Variants in DOK6 observed in about 807,000 individuals in gnomAD.
DOK6 encodes the protein downstream of tyrosine kinase 6.
DOK6 carries 22 observed loss-of-function variants against 44.0 expected under a neutral mutation model. That is an observed-to-expected ratio of 0.50 (90% CI 0.36 to 0.71). The LOEUF (loss-of-function observed/expected upper bound fraction) is 0.71. Among genes scored for constraint, DOK6 ranks in the 30% least tolerant of loss-of-function variants. The pLI is 0.00. For missense variants in DOK6, 340 were observed against 416.4 expected (o/e 0.82, Z 1.60); for synonymous variants, 166 against 145.5 (o/e 1.14, Z -1.01).
chr18:69,432,249 C>G (rs1167828289), intron 1 of DOK6, among the ~76,000 whole-genome samples: 1 of 152,144 alleles, frequency 6.6e-6, no homozygotes, highest in Non-Finnish European at 1.5e-5. Flanking sequence ...TTGAGACCAG[C>G]CTGGGCAACA....
chr18:69,595,790 T>G (rs1022296757), intron 2 of DOK6, among the ~76,000 whole-genome samples: 1 of 152,244 alleles, frequency 6.6e-6, no homozygotes, highest in Admixed American at 6.5e-5. Flanking sequence ...TGCAAAAAAT[T>G]TTTAATCCAT....
Position 69,846,444 on chromosome 18 carries a change from G to C in DOK6, c.*5061G>C, listed in dbSNP as rs1021434229. On this transcript the variant is annotated 3_prime_UTR_variant, in exon 8 of 8. Coordinates refer to ENST00000382713, the MANE Select transcript of DOK6 (RefSeq NM_152721.6). Reference sequence around the variant, plus strand: ...ATGGCCTCAAAATAAATAAACCCTTGTACATTTAAGTGTTTTCCCAGATTT... The same window carrying C: ...ATGGCCTCAAAATAAATAAACCCTTCTACATTTAAGTGTTTTCCCAGATTT... 1 of 152,162 alleles carries C rather than the reference G, an allele frequency of 6.6e-6. No individual in the cohort carries two copies. The highest frequency in any genetic ancestry group is 6.5e-5 in the Admixed American group (1 of 15,270). The allele number at this position is 152,162 out of a possible 1,614,324, so 9.4% of individuals were successfully genotyped here.
intron 3 of DOK6, among the ~76,000 whole-genome samples, chr18:69,627,387 G>A (rs1439291482): frequency 1.3e-5 from 2 of 152,118 alleles, no homozygotes; most frequent in African/African-American, 4.8e-5. Context: ...CTGCTGCTCA[G>A]TATGATACTG....
At position 69,848,774 on chromosome 18, in the gene DOK6, G is replaced by T. The variant is rs1010880909; in HGVS notation, c.*7391G>T. 3 of 152,124 alleles carry T rather than the reference G, an allele frequency of 2.0e-5. No individual in the cohort carries two copies. The highest frequency in any genetic ancestry group is 4.4e-5 in the Non-Finnish European group (3 of 68,006). The allele number at this position is 152,124 out of a possible 1,614,324, so 9.4% of individuals were successfully genotyped here. On this transcript the variant is annotated 3_prime_UTR_variant, in exon 8 of 8. Transcript: ENST00000382713. ...TTACAAATGATATTGCTATGAGGTT[G>T]TGCACTATTAAAGTTTGCTCCATCA...
chr18:69,631,627 A>G (rs1161069298), intron 3 of DOK6, among the ~76,000 whole-genome samples: 1 of 152,216 alleles, frequency 6.6e-6, no homozygotes, highest in Non-Finnish European at 1.5e-5. Flanking sequence ...AATGATCAGT[A>G]TGAACACGTT....
chr18:69,570,427 A>G (rs1983087378), intron 2 of DOK6, among the ~76,000 whole-genome samples: 1 of 152,118 alleles, frequency 6.6e-6, no homozygotes, highest in Admixed American at 6.5e-5. Context: ...ATTTTTAAAA[A>G]ACAAAGAAGT....
chr18:69,810,938 C>T (rs183123131), intron 7 of DOK6, among the ~76,000 whole-genome samples: 51 of 152,108 alleles, frequency 3.4e-4, no homozygotes, highest in Non-Finnish European at 1.8e-4. Flanking sequence ...GTCCAGCAAT[C>T]CCAGTATTGG....
At position 69,523,282 on chromosome 18, in the gene DOK6, T is replaced by G. The variant is rs578028667; in HGVS notation, c.67-41205T>G. ...ACAGATACATTTTCATCTAAAAGAA[T>G]GATTTTGTGAAATGTGTATAAGGAA... On this transcript the variant is annotated intron_variant, in intron 1 of 7. Coordinates refer to ENST00000382713, the MANE Select transcript of DOK6 (RefSeq NM_152721.6). 1.1e-3 allele frequency among the ~76,000 whole-genome samples: 163 copies of G among 152,160 alleles called. 1 individual carries two copies. The highest frequency in any genetic ancestry group is 3.6e-3 in the African/African-American group (151 of 41,564).
intron 7 of DOK6, among the ~76,000 whole-genome samples, chr18:69,787,160 G>T (rs35870049): frequency 0.058 from 8,794 of 152,256 alleles, 276 homozygotes; most frequent in African/African-American, 0.083. Context: ...AGGTTGCAGT[G>T]AACTGAGATC....
chr18:69,792,419 G>C (rs922347437), intron 7 of DOK6, among the ~76,000 whole-genome samples: 1 of 151,722 alleles, frequency 6.6e-6, no homozygotes, highest in Admixed American at 6.6e-5. Flanking sequence ...TCTATTTCTT[G>C]CATCGGTGTT....
At chr18:69,567,191 C>T (rs936050730) in intron 2 of DOK6, among the ~76,000 whole-genome samples, 3 of 152,126 alleles carry the variant, frequency 2.0e-5, no homozygotes, top group Non-Finnish European at 4.4e-5. Flanking sequence ...GGAGCCCTTA[C>T]CATGAATGTA....
In DOK6 at chr18:69,842,284, C is replaced by G. The variant is rs992278594; in HGVS notation, c.*901C>G. ...AGCTGTCCTACACATCATGTCATAC[C>G]CTGTCTTTCTGGTGAGCGTTTCCTT... On this transcript the variant is annotated 3_prime_UTR_variant, in exon 8 of 8. Transcript: ENST00000382713. 1 of 152,046 alleles carries G rather than the reference C, an allele frequency of 6.6e-6. No homozygotes were observed. Among genetic ancestry groups the G allele is most frequent in the African/African-American group, 2.4e-5 (1 of 41,390 alleles). 9.4% of individuals were successfully genotyped at this position (152,046 alleles called of 1,614,324 possible). A position where few individuals can be genotyped will look rare whatever the true frequency, so the allele number is the denominator to read the frequency against.
At chr18:69,465,631 T>C (rs1434457965) in intron 1 of DOK6, among the ~76,000 whole-genome samples, 8 of 152,184 alleles carry the variant, frequency 5.3e-5, no homozygotes, top group African/African-American at 1.7e-4. Flanking sequence ...ACAAAGGACA[T>C]GAACTCATCA....
chr18:69,419,169 G>C (rs1362566757), intron 1 of DOK6, among the ~76,000 whole-genome samples: 4 of 152,062 alleles, frequency 2.6e-5, no homozygotes, highest in Non-Finnish European at 4.4e-5. Context: ...CTAAATTTTA[G>C]AAGACTTCAT....
intron 5 of DOK6, among the ~76,000 whole-genome samples, chr18:69,725,944 G>C (rs1978304584): frequency 6.6e-6 from 1 of 152,180 alleles, no homozygotes; most frequent in Non-Finnish European, 1.5e-5. Flanking sequence ...ATCTTCCTTT[G>C]CTTCCCTTTC....
At chr18:69,722,164 G>T (rs1303959236) in intron 5 of DOK6, among the ~76,000 whole-genome samples, 1 of 152,160 alleles carries the variant, frequency 6.6e-6, no homozygotes, top group East Asian at 1.9e-4. Flanking sequence ...ACTGTTTGAA[G>T]AGCTTTGATA....
intron 7 of DOK6, among the ~76,000 whole-genome samples, chr18:69,805,680 A>G (rs1000350441): frequency 6.6e-6 from 1 of 152,102 alleles, no homozygotes; most frequent in African/African-American, 2.4e-5. Flanking sequence ...AGTATTTCCA[A>G]ATAGATTTCT....
chr18:69,771,828 C>T (rs892455439), intron 7 of DOK6, among the ~76,000 whole-genome samples: 1 of 150,716 alleles, frequency 6.6e-6, no homozygotes, highest in African/African-American at 2.4e-5. Flanking sequence ...AAAGTAAATA[C>T]CAAAAAAATT....
chr18:69,429,456 T>G (rs191151669), intron 1 of DOK6, among the ~76,000 whole-genome samples: 170 of 151,822 alleles, frequency 1.1e-3, no homozygotes, highest in Non-Finnish European at 1.9e-3. Context: ...TTTATATTTC[T>G]ATCAAAAATA....
Sources: allele counts gnomAD v4.1 joint callset (sites outside exome capture counted in the v4.1 genomes callset), GRCh38; gene constraint gnomAD v4.1.1; transcripts MANE v1.5; gene names NCBI Gene and HGNC (gene_info 2026-07-23, HGNC 2026-07-21).